Variants in NALCN observed in about 807,000 individuals in gnomAD.
The protein encoded by NALCN is sodium leak channel NALCN.
In NALCN, 111 loss-of-function variants were observed where a neutral mutation model predicts 225.3. The ratio of observed to expected loss-of-function variants is 0.49; its 90% CI spans 0.42 to 0.58. The LOEUF (loss-of-function observed/expected upper bound fraction) is 0.58, where lower values mean the gene tolerates loss of function less well. NALCN is among the 20% of genes least tolerant of loss of function. The pLI is 0.00. For missense variants in NALCN, 1,378 were observed against 2,202.4 expected (o/e 0.63, Z 7.49); for synonymous variants, 764 against 769.0 (o/e 0.99, Z 0.11).
chr13:101,246,227 A>G (rs33946069), intron 11 of NALCN, among the ~76,000 whole-genome samples: 38,375 of 152,056 alleles, frequency 0.25, 5,108 homozygotes, highest in East Asian at 0.38. Context: ...ACACAGGCCT[A>G]TGAGATAAAA....
chr13:101,202,801 C>T (rs1304654746), intron 13 of NALCN, among the ~76,000 whole-genome samples: 1 of 152,212 alleles, frequency 6.6e-6, no homozygotes, highest in Non-Finnish European at 1.5e-5. Flanking sequence ...ACCTCCATCA[C>T]TGCTCTCACT....
chr13:101,356,030 T>A (rs1419858679), intron 6 of NALCN, among the ~76,000 whole-genome samples: 1 of 152,014 alleles, frequency 6.6e-6, no homozygotes. Context: ...TACCAGAATA[T>A]CTGGGAACTA....
At chr13:101,286,426 T>G (rs898878249) in intron 9 of NALCN, among the ~76,000 whole-genome samples, 1 of 152,076 alleles carries the variant, frequency 6.6e-6, no homozygotes, top group African/African-American at 2.4e-5. Context: ...CTCTGGGATA[T>G]GGATGTGAGG....
chr13:101,132,425 A>G (rs1266217969), intron 17 of NALCN, among the ~76,000 whole-genome samples: 1 of 152,138 alleles, frequency 6.6e-6, no homozygotes, highest in Non-Finnish European at 1.5e-5. Context: ...TTAAAATCAT[A>G]CATGTGTTCT....
intron 1 of NALCN, among the ~76,000 whole-genome samples, chr13:101,402,448 T>G (rs2047501996): frequency 6.6e-6 from 1 of 152,212 alleles, no homozygotes. Flanking sequence ...TGGTATATAC[T>G]TTCCCTACTT....
At chr13:101,142,132 CTA>C (rs2037112423) in intron 17 of NALCN, among the ~76,000 whole-genome samples, 1 of 125,664 alleles carries the variant, frequency 8.0e-6, no homozygotes, top group South Asian at 2.8e-4. Flanking sequence ...ATAATACATT[CTA>C]TGTCTTTTTT....
intron 11 of NALCN, among the ~76,000 whole-genome samples, chr13:101,255,773 C>A (rs2042210727): frequency 2.0e-5 from 3 of 152,198 alleles, no homozygotes; most frequent in Admixed American, 2.0e-4. Flanking sequence ...TGTGCCTCAA[C>A]TGATTCTCTC....
intron 39 of NALCN, among the ~76,000 whole-genome samples, chr13:101,066,336 C>T (rs962086380): frequency 3.4e-5 from 5 of 149,182 alleles, no homozygotes; most frequent in Non-Finnish European, 7.4e-5. Context: ...AGCTAACTAA[C>T]TCCTTTTCAT....
chr13:101,145,815 A>G (rs2037319270), intron 15 of NALCN, among the ~76,000 whole-genome samples: 1 of 151,846 alleles, frequency 6.6e-6, no homozygotes, highest in South Asian at 2.1e-4. Context: ...ATCTTTTAAC[A>G]CTGATGCCTT....
At chr13:101,316,810 A>T (rs1003871134) in intron 7 of NALCN, among the ~76,000 whole-genome samples, 4 of 152,210 alleles carry the variant, frequency 2.6e-5, no homozygotes, top group African/African-American at 7.2e-5. Flanking sequence ...TACAAATTTT[A>T]AAATTATGTC....
chr13:101,146,995 C>T (rs1424564127), intron 15 of NALCN, among the ~76,000 whole-genome samples: 3 of 152,176 alleles, frequency 2.0e-5, no homozygotes, highest in Admixed American at 6.5e-5. Flanking sequence ...AGAATAGACA[C>T]ACGTGGTCAG....
In NALCN at chr13:101,103,320, C is replaced by T. The variant is rs1305277434; in HGVS notation, c.2909G>A (p.Cys970Tyr). Residue 970 changes from cysteine to tyrosine, a missense_variant, in exon 26 of 44, where the codon TGT (cysteine) becomes TAT (tyrosine). By Grantham distance (194) the Cys-to-Tyr change is radical (BLOSUM62 -2). This residue lies in a region of NALCN where 292 missense variants were observed against 409.5 expected (regional missense o/e 0.71). Transcript: ENST00000251127. ...FIYLVSLIFLCWMPQNVPAES... is the reference protein window; with the variant it reads ...FIYLVSLIFLYWMPQNVPAES... ...AGCAGGTACATTTTGAGGCATCCAA[C>T]AAAGAAATATCAAGCTCACCTAAAG... 1.9e-6 allele frequency: 3 copies of T among 1,611,646 alleles called. No individual in the cohort carries two copies.
intron 37 of NALCN, among the ~76,000 whole-genome samples, chr13:101,070,846 G>T (rs630762): frequency 6.6e-6 from 1 of 152,202 alleles, no homozygotes; most frequent in East Asian, 1.9e-4. Flanking sequence ...CCTGAGACTG[G>T]GTAATTTATA....
intron 2 of NALCN, among the ~76,000 whole-genome samples, chr13:101,397,448 TATAA>T (rs2047343125): frequency 6.6e-6 from 1 of 150,946 alleles, no homozygotes; most frequent in African/African-American, 2.4e-5. Context: ...TGCATGCACA[TATAA>T]ATATATGTAC....
intron 22 of NALCN, 114 bp downstream of exon 22, chr13:101,107,373 G>A (rs536644170): frequency 5.4e-5 from 83 of 1,528,388 alleles, no homozygotes; most frequent in African/African-American, 3.1e-4. Context: ...TAATTAGTCC[G>A]CAGTTTATTT....
intron 2 of NALCN, among the ~76,000 whole-genome samples, chr13:101,397,774 T>G (rs2047358322): frequency 1.3e-5 from 2 of 152,110 alleles, no homozygotes; most frequent in African/African-American, 4.8e-5. Context: ...AAAATACAGT[T>G]ATTTATAGAT....
intron 7 of NALCN, among the ~76,000 whole-genome samples, chr13:101,302,665 G>C (rs1472901137): frequency 1.3e-5 from 2 of 152,084 alleles, no homozygotes; most frequent in African/African-American, 4.8e-5. Flanking sequence ...AATATCATTT[G>C]TAATAATATT....
intron 15 of NALCN, among the ~76,000 whole-genome samples, chr13:101,160,165 A>T (rs928873247): frequency 6.6e-6 from 1 of 152,170 alleles, no homozygotes; most frequent in African/African-American, 2.4e-5. Flanking sequence ...CATGTTAGCC[A>T]GGATGGTCTC....
At chr13:101,279,738 A>AC (rs2043088091) in intron 10 of NALCN, among the ~76,000 whole-genome samples, 1 of 148,054 alleles carries the variant, frequency 6.8e-6, no homozygotes, top group Non-Finnish European at 1.5e-5. Flanking sequence ...AATGGCGTGA[A>AC]CCCGGGAGGC....
Sources: gnomAD v4.1 joint callset for allele counts (sites outside exome capture counted in the v4.1 genomes callset) on GRCh38, gnomAD v4.1.1 for gene constraint, gnomAD v4.1.1 regional missense constraint, MANE v1.5 for transcripts, NCBI Gene and HGNC (gene_info 2026-07-23, HGNC 2026-07-21) for gene names.